Variants in CALN1 observed in about 807,000 individuals in gnomAD.
CALN1 encodes the protein calcium-binding protein 8.
Under a neutral mutation model 30.6 loss-of-function variants are expected in CALN1, and 17 were observed. The observed-to-expected ratio is 0.56, with a 90% CI of 0.38 to 0.83. CALN1 has a LOEUF of 0.83. Ranked by LOEUF, CALN1 falls within the 40% of genes least tolerant of loss-of-function variation. The pLI, the probability that CALN1 is intolerant of heterozygous loss-of-function variation, is 0.00. For synonymous variants in CALN1, 156 were observed against 131.4 expected, an observed-to-expected ratio of 1.19 and a Z score of -1.28; for missense variants, 291 against 354.9, an observed-to-expected ratio of 0.82 and a Z score of 1.45.
intron 2 of CALN1, among the ~76,000 whole-genome samples, chr7:72,317,108 G>A (rs1293502234): frequency 7.7e-5 from 11 of 142,210 alleles, no homozygotes; most frequent in African/African-American, 2.6e-4. Context: ...GGGAGGAAGG[G>A]AGGGAGGGAG....
intron 2 of CALN1, among the ~76,000 whole-genome samples, chr7:72,369,285 T>C (rs1804070133): frequency 6.8e-6 from 1 of 148,088 alleles, no homozygotes; most frequent in Non-Finnish European, 1.5e-5. Context: ...TATATACATA[T>C]AAAATATATA....
intron 3 of CALN1, among the ~76,000 whole-genome samples, chr7:72,212,312 T>C (rs962646694): frequency 1.4e-5 from 2 of 139,234 alleles, no homozygotes; most frequent in African/African-American, 5.5e-5. Context: ...ACTGTGGCAC[T>C]GCACTCCAGC....
chr7:72,365,751 G>T (rs188539420), intron 2 of CALN1, among the ~76,000 whole-genome samples: 1 of 152,016 alleles, frequency 6.6e-6, no homozygotes, highest in African/African-American at 2.4e-5. Flanking sequence ...GTAAGATCAC[G>T]AATAATCAAA....
At chr7:72,216,737 G>A (rs1052452835) in intron 3 of CALN1, among the ~76,000 whole-genome samples, 1 of 152,170 alleles carries the variant, frequency 6.6e-6, no homozygotes, top group African/African-American at 2.4e-5. Flanking sequence ...TTCTCCAAAA[G>A]AGACAACTTC....
chr7:72,241,798 T>A (rs1794853930), intron 3 of CALN1, among the ~76,000 whole-genome samples: 1 of 152,208 alleles, frequency 6.6e-6, no homozygotes. Context: ...CTCTTTAGTT[T>A]GTCTCCAAAC....
chr7:72,212,606 G>T (rs1257109708), intron 3 of CALN1, among the ~76,000 whole-genome samples: 1 of 152,020 alleles, frequency 6.6e-6, no homozygotes, highest in African/African-American at 2.4e-5. Flanking sequence ...CTTGAGGCCA[G>T]GAACTCAAGA....
At chr7:71,817,546 C>T (rs1788336303) in intron 5 of CALN1, among the ~76,000 whole-genome samples, 1 of 152,198 alleles carries the variant, frequency 6.6e-6, no homozygotes, top group Admixed American at 6.5e-5. Flanking sequence ...GACGGAGTCT[C>T]GCTCTGTCGC....
At chr7:72,019,006 T>C (rs1051644289) in intron 5 of CALN1, among the ~76,000 whole-genome samples, 1 of 148,692 alleles carries the variant, frequency 6.7e-6, no homozygotes, top group African/African-American at 2.5e-5. Context: ...CCAGCTAATT[T>C]TTTTTTTTTG....
At chr7:72,126,520 A>C (rs937431854) in intron 3 of CALN1, among the ~76,000 whole-genome samples, 2 of 152,114 alleles carry the variant, frequency 1.3e-5, no homozygotes, top group African/African-American at 4.8e-5. Flanking sequence ...CACCCAAAAG[A>C]AAAGTGGTGA....
the CALN1 span, among the ~76,000 whole-genome samples, chr7:72,466,743 G>A: frequency 6.3e-4 from 93 of 148,328 alleles, no homozygotes; most frequent in Non-Finnish European, 5.6e-4. Context: ...ACTCGGGAAA[G>A]AAAGAAAGAG....
At chr7:71,958,094 A>G (rs1010845910) in intron 5 of CALN1, among the ~76,000 whole-genome samples, 52 of 150,310 alleles carry the variant, frequency 3.5e-4, no homozygotes, top group Non-Finnish European at 7.4e-5. Flanking sequence ...GAAAGAAAGA[A>G]AAAAAAAGAA....
chr7:72,261,424 A>C (rs939118849), intron 3 of CALN1, among the ~76,000 whole-genome samples: 4 of 102,784 alleles, frequency 3.9e-5, no homozygotes, highest in Non-Finnish European at 7.8e-5. Context: ...TTTATTTCAG[A>C]AGCTTTTTTT....
intron 5 of CALN1, among the ~76,000 whole-genome samples, chr7:71,903,731 T>C (rs144586087): frequency 2.6e-4 from 39 of 152,162 alleles, no homozygotes; most frequent in African/African-American, 9.1e-4. Context: ...AAAAGTTTTA[T>C]ACAGGAAAGG....
chr7:72,182,431 T>C (rs17144362), intron 3 of CALN1, among the ~76,000 whole-genome samples: 5,058 of 152,174 alleles, frequency 0.033, 271 homozygotes, highest in African/African-American at 0.12. Context: ...ATGACTGAAA[T>C]TCATTTTTCC....
chr7:72,054,794 T>C (rs899291525), intron 4 of CALN1, among the ~76,000 whole-genome samples: 27 of 151,968 alleles, frequency 1.8e-4, no homozygotes, highest in Admixed American at 6.6e-4. Flanking sequence ...CAAATAATTA[T>C]TGGGTACTAG....
chr7:71,964,183 C>T (rs578241634), intron 5 of CALN1, among the ~76,000 whole-genome samples: 8 of 152,316 alleles, frequency 5.3e-5, no homozygotes, highest in Middle Eastern at 3.4e-3. Flanking sequence ...CTTTATCCCC[C>T]GTCACAGGAT....
chr7:72,378,992 T>C (rs747585171), intron 2 of CALN1, among the ~76,000 whole-genome samples: 2 of 152,230 alleles, frequency 1.3e-5, no homozygotes, highest in Admixed American at 6.5e-5. Flanking sequence ...TGGTGAATTA[T>C]GTTGTTTGAT....
At chr7:72,330,287 C>T (rs1322934161) in intron 2 of CALN1, among the ~76,000 whole-genome samples, 1 of 150,526 alleles carries the variant, frequency 6.6e-6, no homozygotes, top group Non-Finnish European at 1.5e-5. Flanking sequence ...AGTGAGACTC[C>T]ATCTCAAAAA....
intron 2 of CALN1, among the ~76,000 whole-genome samples, chr7:72,287,731 C>T (rs1435548202): frequency 1.3e-5 from 2 of 152,126 alleles, no homozygotes; most frequent in African/African-American, 2.4e-5. Context: ...CAGGCGTGAG[C>T]CACTACGCCC....
Sources: gnomAD v4.1 joint callset for allele counts (sites outside exome capture counted in the v4.1 genomes callset) on GRCh38, gnomAD v4.1.1 for gene constraint, MANE v1.5 for transcripts, NCBI Gene and HGNC (gene_info 2026-07-23, HGNC 2026-07-21) for gene names.